Variants in HERPUD2 observed in about 807,000 individuals in gnomAD.
HERPUD2 encodes homocysteine-responsive endoplasmic reticulum-resident ubiquitin-like domain member 2 protein.
Under a neutral mutation model 49.9 loss-of-function variants are expected in HERPUD2, and 13 were observed. The ratio of observed to expected loss-of-function variants is 0.26; its 90% CI spans 0.17 to 0.41. HERPUD2 has a LOEUF of 0.41. Among genes scored for constraint, HERPUD2 ranks in the 10% least tolerant of loss-of-function variants. The probability of loss-of-function intolerance (pLI) is 1.00; values close to 1 mark genes in which losing one functional copy is unlikely to be tolerated. For missense variants in HERPUD2, 449 were observed against 492.2 expected (o/e 0.91, Z 0.83); for synonymous variants, 172 against 171.4 (o/e 1.00, Z -0.03).
intron 5 of HERPUD2, among the ~76,000 whole-genome samples, chr7:35,657,056 C>T (rs1289462639): frequency 6.7e-6 from 1 of 150,304 alleles, no homozygotes; most frequent in East Asian, 1.9e-4. Flanking sequence ...AAGCAATCAA[C>T]AGAGTGAAGA....
At chr7:35,663,124 T>G (rs181286024) in intron 5 of HERPUD2, among the ~76,000 whole-genome samples, 4 of 152,380 alleles carry the variant, frequency 2.6e-5, no homozygotes, top group Admixed American at 2.6e-4. Context: ...CATTTCGTTA[T>G]GTACCCAGTA....
chr7:35,634,169 C>T, intron 8 of HERPUD2, 143 bp downstream of exon 8: 1 of 613,340 alleles, frequency 1.6e-6, no homozygotes, highest in Non-Finnish European at 2.9e-6. Flanking sequence ...CAAATGAAAC[C>T]ACCACAATTT....
intron 2 of HERPUD2, among the ~76,000 whole-genome samples, chr7:35,691,498 G>A (rs1446616965): frequency 6.6e-6 from 1 of 152,126 alleles, no homozygotes; most frequent in Non-Finnish European, 1.5e-5. Context: ...GATCCAATTA[G>A]AGCAATGTTG....
At chr7:35,639,573 A>G (rs1784933596) in intron 5 of HERPUD2, among the ~76,000 whole-genome samples, 1 of 152,224 alleles carries the variant, frequency 6.6e-6, no homozygotes, top group Admixed American at 6.5e-5. Flanking sequence ...CTACAGAGAT[A>G]AACAGGTAAG....
At chr7:35,673,328 T>C (rs750338415) in intron 2 of HERPUD2, 50 bp from the exon 3 acceptor site, 2 of 1,438,428 alleles carry the variant, frequency 1.4e-6, no homozygotes, top group South Asian at 2.4e-5. Context: ...TTATGCAAAT[T>C]GAAGGTTGGG....
chr7:35,637,132 CA>C (rs1346264066), intron 6 of HERPUD2, among the ~76,000 whole-genome samples: 1 of 79,014 alleles, frequency 1.3e-5, no homozygotes, highest in Non-Finnish European at 3.2e-5. Context: ...GACTCTGTCT[CA>C]AAAAAAAAGA....
At chr7:35,658,058 G>A (rs573220067) in intron 5 of HERPUD2, among the ~76,000 whole-genome samples, 2 of 152,262 alleles carry the variant, frequency 1.3e-5, no homozygotes, top group East Asian at 3.9e-4. Flanking sequence ...GCACTGTTCA[G>A]AATAGCAAAG....
intron 2 of HERPUD2, 126 bp downstream of exon 2, chr7:35,694,058 T>C (rs1786257162): frequency 4.4e-6 from 4 of 914,408 alleles, no homozygotes; most frequent in East Asian, 2.4e-5. Flanking sequence ...GAACTCAAAA[T>C]ACCTCGCGGT....
chr7:35,691,650 A>G (rs968848350), intron 2 of HERPUD2, among the ~76,000 whole-genome samples: 7 of 152,248 alleles, frequency 4.6e-5, no homozygotes, highest in African/African-American at 1.7e-4. Context: ...TCTGTTAAAC[A>G]TAACAGCACT....
At chr7:35,666,799 T>C (rs1238641734) in intron 5 of HERPUD2, among the ~76,000 whole-genome samples, 1 of 152,202 alleles carries the variant, frequency 6.6e-6, no homozygotes, top group Non-Finnish European at 1.5e-5. Context: ...GCAAGCTTCT[T>C]AAGAAAACTG....
rs143548194 is a variant in HERPUD2, at chr7:35,638,413, G to A, written c.554C>T (p.Ala185Val). Residue 185 changes from alanine (A) to valine (V), a missense_variant, in exon 6 of 9, where the codon GCG (alanine) becomes GTG (valine). By Grantham distance (64) the Ala-to-Val change is moderately conservative (BLOSUM62 0). Transcript: ENST00000311350. ...AAPPGFPVYP[A>V]FSPLQMLWWQ... Reference sequence around the variant, plus strand: ...CCATAGCATCTGCAGTGGGCTAAACGCGGGATACACTGGGAATCCAGGTGG... The same window carrying A: ...CCATAGCATCTGCAGTGGGCTAAACACGGGATACACTGGGAATCCAGGTGG... 5.0e-4 allele frequency: 806 copies of A among 1,613,584 alleles called. 11 individuals are homozygous for A. The Middle Eastern group carries it at 0.015, about 29-fold the overall frequency.
At chr7:35,640,342 A>C (rs771614806) in intron 5 of HERPUD2, among the ~76,000 whole-genome samples, 2 of 152,216 alleles carry the variant, frequency 1.3e-5, no homozygotes, top group Non-Finnish European at 2.9e-5. Context: ...ATGTCAAACA[A>C]GTCTGTTACT....
intron 2 of HERPUD2, among the ~76,000 whole-genome samples, chr7:35,689,925 C>T (rs559680697): frequency 2.0e-5 from 3 of 152,270 alleles, no homozygotes; most frequent in South Asian, 4.1e-4. Flanking sequence ...TTCATGAGAA[C>T]AGATATAGTA....
intron 4 of HERPUD2, among the ~76,000 whole-genome samples, chr7:35,668,989 T>A (rs1241987527): frequency 1.3e-5 from 2 of 152,160 alleles, no homozygotes; most frequent in Admixed American, 1.3e-4. Flanking sequence ...ATTCCTTTGA[T>A]ACTTTTCAGG....
chr7:35,677,332 A>G (rs1785785266), intron 2 of HERPUD2, among the ~76,000 whole-genome samples: 1 of 152,212 alleles, frequency 6.6e-6, no homozygotes, highest in South Asian at 2.1e-4. Context: ...CAAATGCACA[A>G]TCCTCCATTA....
intron 2 of HERPUD2, among the ~76,000 whole-genome samples, chr7:35,690,175 A>G (rs554506206): frequency 6.6e-5 from 10 of 152,342 alleles, no homozygotes; most frequent in African/African-American, 2.4e-4. Flanking sequence ...CAGGATCTGA[A>G]AAACTAGTCA....
chr7:35,675,139 T>C (rs1785733149), intron 2 of HERPUD2, among the ~76,000 whole-genome samples: 1 of 152,178 alleles, frequency 6.6e-6, no homozygotes, highest in Admixed American at 6.5e-5. Context: ...CCCAGGTAGA[T>C]AGTGTCAGAA....
chr7:35,656,600 T>C (rs142616574), intron 5 of HERPUD2, among the ~76,000 whole-genome samples: 2 of 152,230 alleles, frequency 1.3e-5, no homozygotes, highest in East Asian at 1.9e-4. Flanking sequence ...TAGCATGGTA[T>C]TGGTATAAAA....
chr7:35,681,073 TA>T, intron 2 of HERPUD2, among the ~76,000 whole-genome samples: 1 of 152,314 alleles, frequency 6.6e-6, no homozygotes, highest in South Asian at 2.1e-4. Context: ...ATCACAACAT[TA>T]AAACACTTGC....
Sources: allele counts gnomAD v4.1 joint callset (sites outside exome capture counted in the v4.1 genomes callset), GRCh38; gene constraint gnomAD v4.1.1; transcripts MANE v1.5; gene names NCBI Gene and HGNC (gene_info 2026-07-23, HGNC 2026-07-21).